USP37: variants seen among roughly 807,000 people sequenced by gnomAD.
USP37 encodes ubiquitin specific peptidase 37.
In USP37, 27 loss-of-function variants were observed where a neutral mutation model predicts 124.0. The observed-to-expected ratio is 0.22, with a 90% CI of 0.16 to 0.30. The LOEUF (loss-of-function observed/expected upper bound fraction) is 0.30, where lower values mean the gene tolerates loss of function less well. USP37 is among the 10% of genes least tolerant of loss of function. The pLI, the probability that USP37 is intolerant of heterozygous loss-of-function variation, is 1.00. For synonymous variants in USP37, 365 were observed against 388.0 expected, an observed-to-expected ratio of 0.94 and a Z score of 0.70; for missense variants, 889 against 1,140.4, an observed-to-expected ratio of 0.78 and a Z score of 3.17.
intron 10 of USP37, among the ~76,000 whole-genome samples, chr2:218,525,762 G>A (rs1220468875): frequency 6.6e-6 from 1 of 152,040 alleles, no homozygotes; most frequent in African/African-American, 2.4e-5. Context: ...TCGTGGCATG[G>A]GGGTTTGTTA....
intron 1 of USP37, among the ~76,000 whole-genome samples, chr2:218,563,878 G>A (rs894369871): frequency 2.0e-5 from 3 of 151,936 alleles, no homozygotes; most frequent in Non-Finnish European, 1.5e-5. Flanking sequence ...ATGTGGTCTC[G>A]AACACATTGA....
chr2:218,456,138 G>A (rs1479046187), intron 24 of USP37, among the ~76,000 whole-genome samples: 2 of 151,992 alleles, frequency 1.3e-5, no homozygotes, highest in Admixed American at 1.3e-4. Flanking sequence ...CCTCAACACT[G>A]TGTCTAAAAC....
chr2:218,483,301 G>A (rs1255896510), intron 16 of USP37, among the ~76,000 whole-genome samples: 6 of 152,102 alleles, frequency 3.9e-5, no homozygotes, highest in Non-Finnish European at 8.8e-5. Context: ...AAAAGGTGGG[G>A]GGGAAGGTAA....
At chr2:218,465,967 G>A (rs765112358) in intron 21 of USP37, 43 bp downstream of exon 21, 3 of 1,572,896 alleles carry the variant, frequency 1.9e-6, no homozygotes, top group South Asian at 2.4e-5. Flanking sequence ...TATTTCTCAG[G>A]AAAGGTAAGT....
intron 3 of USP37, among the ~76,000 whole-genome samples, chr2:218,560,473 G>C (rs1354406808): frequency 6.6e-6 from 1 of 152,202 alleles, no homozygotes; most frequent in African/African-American, 2.4e-5. Context: ...GCAGACAGCA[G>C]TAATTAATAT....
intron 24 of USP37, 118 bp downstream of exon 24, chr2:218,456,974 A>AAAAAAG (rs1214938939): frequency 8.9e-7 from 1 of 1,118,358 alleles, no homozygotes; most frequent in Non-Finnish European, 1.3e-6. Context: ...GATCTCAAAA[A>AAAAAAG]AAAAAAGAAA....
rs1410795374 is a variant in USP37, at chr2:218,465,929, G to A, written c.2466+81C>T. On this transcript the variant is annotated intron_variant, in intron 21 of 25. Transcript: ENST00000258399. Reference sequence around the variant, plus strand: ...TGGAACAATGTCTGACACATAGTAAGTGCTCAACACATTAGTTATTATTAT... The same window carrying A: ...TGGAACAATGTCTGACACATAGTAAATGCTCAACACATTAGTTATTATTAT... 2.0e-6 allele frequency: 3 copies of A among 1,484,256 alleles called. 1 individual carries two copies. Among genetic ancestry groups the A allele is most frequent in the Non-Finnish European group, 2.7e-6 (3 of 1,099,712 alleles). The allele number at this position is 1,484,256 out of a possible 1,614,324, so 91.9% of individuals were successfully genotyped here. A position where few individuals can be genotyped will look rare whatever the true frequency, so the allele number is the denominator to read the frequency against.
chr2:218,552,467 C>A (rs1692720290), intron 5 of USP37, among the ~76,000 whole-genome samples: 1 of 152,048 alleles, frequency 6.6e-6, no homozygotes, highest in African/African-American at 2.4e-5. Flanking sequence ...GTAATCCCAG[C>A]ACTTTGGCAG....
intron 1 of USP37, among the ~76,000 whole-genome samples, chr2:218,563,632 G>A (rs1693429435): frequency 6.6e-6 from 1 of 152,146 alleles, no homozygotes; most frequent in African/African-American, 2.4e-5. Flanking sequence ...CTGCCTATCT[G>A]AATGCTACAA....
At chr2:218,476,152 T>G (rs1158919698) in intron 19 of USP37, among the ~76,000 whole-genome samples, 1 of 152,146 alleles carries the variant, frequency 6.6e-6, no homozygotes, top group African/African-American at 2.4e-5. Flanking sequence ...AAAGCTTAGA[T>G]CTTCAAAGTA....
At chr2:218,560,378 T>C (rs943793250) in intron 3 of USP37, among the ~76,000 whole-genome samples, 8 of 152,204 alleles carry the variant, frequency 5.3e-5, no homozygotes, top group Non-Finnish European at 1.0e-4. Context: ...ACTTACCTTC[T>C]TTAACCATAA....
chr2:218,544,430 T>TATATATAGAGAGAGAG (rs377397246), intron 8 of USP37, among the ~76,000 whole-genome samples: 7 of 50,820 alleles, frequency 1.4e-4, no homozygotes, highest in African/African-American at 5.3e-4. Context: ...TATATATATA[T>TATATATAGAGAGAGAG]AGAGAGAGAG....
intron 14 of USP37, among the ~76,000 whole-genome samples, chr2:218,490,785 A>C (rs1020773964): frequency 1.1e-4 from 16 of 152,204 alleles, no homozygotes; most frequent in African/African-American, 3.9e-4. Context: ...GGCCCAAAGG[A>C]ATTTTGCAGA....
At chr2:218,565,335 T>C (rs1693534154) in intron 1 of USP37, among the ~76,000 whole-genome samples, 1 of 152,228 alleles carries the variant, frequency 6.6e-6, no homozygotes, top group African/African-American at 2.4e-5. Context: ...GTTGTTAAAA[T>C]ATACAAACCA....
At chr2:218,536,017 C>A (rs1285185997) in intron 8 of USP37, among the ~76,000 whole-genome samples, 16 of 80,830 alleles carry the variant, frequency 2.0e-4, no homozygotes, top group South Asian at 5.6e-4. Context: ...GACTTCATCT[C>A]AAAAAAAAAA....
intron 6 of USP37, among the ~76,000 whole-genome samples, chr2:218,548,393 T>A (rs6739509): frequency 0.057 from 8,633 of 152,070 alleles, 365 homozygotes; most frequent in East Asian, 0.12. Flanking sequence ...CAGGCTGGAG[T>A]GCAGTGGCAC....
chr2:218,479,184 T>A (rs1691122021), intron 18 of USP37, among the ~76,000 whole-genome samples: 1 of 152,220 alleles, frequency 6.6e-6, no homozygotes. Flanking sequence ...GCTTGCTTGT[T>A]TTCCTGTCCC....
chr2:218,532,414 C>T (rs1005735554), intron 9 of USP37, among the ~76,000 whole-genome samples: 7 of 147,476 alleles, frequency 4.7e-5, no homozygotes, highest in South Asian at 2.1e-4. Context: ...TGCAGTGAGC[C>T]GAGGATCGTG....
intron 4 of USP37, 96 bp from the exon 5 acceptor site, chr2:218,553,820 AC>A: frequency 8.4e-7 from 1 of 1,188,558 alleles, no homozygotes; most frequent in Non-Finnish European, 1.1e-6. Context: ...TTTCCATGTT[AC>A]ATTTATCACT....
Sources: allele counts gnomAD v4.1 joint callset (sites outside exome capture counted in the v4.1 genomes callset), GRCh38; gene constraint gnomAD v4.1.1; transcripts MANE v1.5; gene names NCBI Gene and HGNC (gene_info 2026-07-23, HGNC 2026-07-21).